Variants in RADX observed in about 807,000 individuals in gnomAD.
RADX encodes the protein RPA1 related single stranded DNA binding protein, X-linked.
A neutral mutation model predicts 61.6 loss-of-function variants in RADX; 36 were observed. The ratio of observed to expected loss-of-function variants is 0.58; its 90% CI spans 0.45 to 0.77. The LOEUF (loss-of-function observed/expected upper bound fraction) is 0.77, where lower values mean the gene tolerates loss of function less well. Among genes scored for constraint, RADX ranks in the 30% least tolerant of loss-of-function variants. RADX has a pLI of 0.00. For synonymous variants in RADX, 272 were observed against 237.9 expected, an observed-to-expected ratio of 1.14 and a Z score of -1.32; for missense variants, 497 against 651.1, an observed-to-expected ratio of 0.76 and a Z score of 2.58.
chrX:106,645,656 G>C (rs977092973), intron 10 of RADX, among the ~76,000 whole-genome samples: 6 of 111,550 alleles, frequency 5.4e-5, no homozygotes, highest in African/African-American at 1.9e-4. Flanking sequence ...TTTAAGACTT[G>C]TTTTGTGACC....
rs1239099445 is a variant in RADX, at chrX:106,612,139, C to G, written c.59C>G (p.Pro20Arg). ...CCCTCACATGCAGGGCTAGATTGGC[C>G]GAACCCTGAGAGGAATCGGGCTGGG... is the stretch of plus-strand genomic sequence containing the variant. ...AGPSHAGLDW[P>R]NPERNRAGVP... The change falls in exon 1 of 14, where the codon CCG (proline) becomes CGG (arginine). Residue 20 changes from proline to arginine, a missense_variant. Transcript: ENST00000372548. 5.8e-6 allele frequency: 7 copies of G among 1,210,050 alleles called. No homozygotes were observed. Among genetic ancestry groups the G allele is most frequent in the Non-Finnish European group, 7.8e-6 (7 of 895,033 alleles).
At chrX:106,678,068 C>A in intron 13 of RADX, 60 bp from the exon 14 acceptor site, 1 of 822,187 alleles carries the variant, frequency 1.2e-6, no homozygotes, top group Non-Finnish European at 1.8e-6. Context: ...TTATGTGATA[C>A]TAAAGTCAAG....
intron 10 of RADX, 50 bp from the exon 11 acceptor site, chrX:106,648,263 T>C: frequency 1.3e-6 from 1 of 798,465 alleles, no homozygotes; most frequent in East Asian, 3.2e-5. Context: ...TTGTTTTTCA[T>C]TTGAGACTCT....
At chrX:106,631,857 GAGAAA>G (rs745701027) in intron 3 of RADX, among the ~76,000 whole-genome samples, 2 of 110,824 alleles carry the variant, frequency 1.8e-5, no homozygotes, top group Non-Finnish European at 3.8e-5. Context: ...GAAAGAAAAA[GAGAAA>G]AGAAAGAAAG....
intron 7 of RADX, 99 bp downstream of exon 7, chrX:106,636,746 G>T (rs1927368450): frequency 4.9e-6 from 2 of 411,143 alleles, no homozygotes; most frequent in Non-Finnish European, 7.9e-6. Context: ...TCAACTACAA[G>T]ATAGCTTTAT....
chrX:106,625,342 T>C, intron 3 of RADX, 60 bp downstream of exon 3: 1 of 819,712 alleles, frequency 1.2e-6, no homozygotes, highest in Admixed American at 3.7e-5. Flanking sequence ...ATTTGCAATG[T>C]ACCATATTAG....
rs750467468 is a variant in RADX, at chrX:106,640,675, A to G, written c.1858A>G (p.Ser620Gly). Reference sequence around the variant, plus strand: ...TTTCCAAACTACATCTACAAATTTAAGTCTGAGCAATAAAATAAGAATTCT... The same window carrying G: ...TTTCCAAACTACATCTACAAATTTAGGTCTGAGCAATAAAATAAGAATTCT... Reference protein sequence around the residue: ...QYFQTTSTNLSLSNKIRILQG... With the variant: ...QYFQTTSTNLGLSNKIRILQG... Residue 620 changes from serine to glycine, a missense_variant, in exon 10 of 14, where the codon AGT (serine) becomes GGT (glycine). Around this residue, in one of 3 missense-constraint regions of RADX, gnomAD observed 267 missense variants for 306.9 expected, o/e 0.87. Coordinates refer to ENST00000372548, the MANE Select transcript of RADX (RefSeq NM_018015.6). The G allele has an allele frequency of 4.2e-6, 5 of 1,196,229 alleles. No homozygotes were observed. The African/African-American group carries it at 8.8e-5, about 21-fold the overall frequency.
Position 106,645,267 on chromosome X carries a change from T to C in RADX, c.1905-3046T>C, listed in dbSNP as rs916963415. 2.7e-5 allele frequency among the ~76,000 whole-genome samples: 3 copies of C among 111,174 alleles called. No homozygotes were observed. In the East Asian group the frequency reaches 8.4e-4, roughly 31 times the overall value. ...TTCTCATTTCAATTTTATTTATTTATGCTCTGATCTTGTTTTCTTCCACTA... is the reference window on the plus strand; with the variant it reads ...TTCTCATTTCAATTTTATTTATTTACGCTCTGATCTTGTTTTCTTCCACTA... On this transcript the variant is annotated intron_variant, in intron 10 of 13. Transcript: ENST00000372548.
chrX:106,639,418 A>T, intron 8 of RADX, 109 bp from the exon 9 acceptor site: 1 of 620,559 alleles, frequency 1.6e-6, no homozygotes, highest in Non-Finnish European at 2.4e-6. Context: ...TCTCACAGTT[A>T]ATGTAGTAAG....
chrX:106,655,494 C>T (rs937954846), intron 11 of RADX, among the ~76,000 whole-genome samples: 21 of 108,563 alleles, frequency 1.9e-4, no homozygotes, highest in African/African-American at 6.7e-4. Flanking sequence ...CTCCCCCCAC[C>T]GCCCACCCCA....
intron 11 of RADX, among the ~76,000 whole-genome samples, chrX:106,649,837 C>T (rs1010359830): frequency 1.8e-5 from 2 of 110,662 alleles, no homozygotes; most frequent in Admixed American, 1.9e-4. Context: ...TAAATCTGGC[C>T]GATTGAAAAC....
At chrX:106,656,721 G>A (rs1927949764) in intron 11 of RADX, among the ~76,000 whole-genome samples, 1 of 111,540 alleles carries the variant, frequency 9.0e-6, no homozygotes, top group Admixed American at 9.6e-5. Context: ...TTGTCAATAA[G>A]CAGTAATATT....
At chrX:106,674,708 A>G (rs1307490653) in intron 13 of RADX, among the ~76,000 whole-genome samples, 1 of 111,858 alleles carries the variant, frequency 8.9e-6, no homozygotes, top group African/African-American at 3.3e-5. Flanking sequence ...TCCATTTGGA[A>G]TTTATTTTTG....
chrX:106,648,268 G>T (rs1481175198), intron 10 of RADX, 45 bp from the exon 11 acceptor site: 1 of 814,189 alleles, frequency 1.2e-6, no homozygotes, highest in African/African-American at 2.1e-5. Flanking sequence ...TTTCATTTGA[G>T]ACTCTTTTTA....
intron 1 of RADX, among the ~76,000 whole-genome samples, chrX:106,613,216 C>T (rs192598807): frequency 1.8e-5 from 2 of 112,200 alleles, no homozygotes; most frequent in East Asian, 5.6e-4. Flanking sequence ...TTCCTTAATA[C>T]TTTACATTGA....
rs770704319 is a variant in RADX at position 106,669,459 on chromosome X, G to C, written c.2437+129G>C. ...TGTAGTTTTAATTAAAGGGTTATTTGGTAAATGTTCCCCAAGACTTATAAA... is the reference window on the plus strand; with the variant it reads ...TGTAGTTTTAATTAAAGGGTTATTTCGTAAATGTTCCCCAAGACTTATAAA... On this transcript the variant is annotated intron_variant, in intron 13 of 13. Transcript: ENST00000372548. The C allele has an allele frequency of 2.4e-4, 103 of 421,984 alleles. 1 individual carries two copies. Among genetic ancestry groups the C allele is most frequent in the Admixed American group, 1.5e-3 (33 of 21,330 alleles). 34.8% of individuals were successfully genotyped at this position (421,984 alleles called of 1,213,427 possible). A position where few individuals can be genotyped will look rare whatever the true frequency, so the allele number is the denominator to read the frequency against.
chrX:106,674,253 T>C (rs1416152696), intron 13 of RADX, among the ~76,000 whole-genome samples: 3 of 111,481 alleles, frequency 2.7e-5, no homozygotes. Context: ...TCCGCCCTCC[T>C]GCTCTGCCTC....
chrX:106,676,382 A>C (rs1305199434), intron 13 of RADX, among the ~76,000 whole-genome samples: 5 of 111,945 alleles, frequency 4.5e-5, no homozygotes, highest in Non-Finnish European at 1.9e-5. Flanking sequence ...GTATTTTTTC[A>C]TTAAAAAGTG....
chrX:106,628,112 A>T (rs1168443952), intron 3 of RADX, among the ~76,000 whole-genome samples: 1 of 111,424 alleles, frequency 9.0e-6, no homozygotes, highest in Non-Finnish European at 1.9e-5. Flanking sequence ...CTAGGATTAC[A>T]CGTGTGAGCC....
Sources: allele counts gnomAD v4.1 joint callset (sites outside exome capture counted in the v4.1 genomes callset), GRCh38; gene constraint gnomAD v4.1.1; regional missense constraint gnomAD v4.1.1; transcripts MANE v1.5; gene names NCBI Gene and HGNC (gene_info 2026-07-23, HGNC 2026-07-21).